Variants in TM9SF4 observed in about 807,000 individuals in gnomAD.
TM9SF4 encodes dinucleotide oxidase disulfide thiol exchanger 3 superfamily member 4.
TM9SF4 carries 26 observed loss-of-function variants against 90.4 expected under a neutral mutation model. The ratio of observed to expected loss-of-function variants is 0.29; its 90% CI spans 0.21 to 0.40. TM9SF4 has a LOEUF of 0.40. Ranked by LOEUF, TM9SF4 falls within the 10% of genes least tolerant of loss-of-function variation. The pLI, the probability that TM9SF4 is intolerant of heterozygous loss-of-function variation, is 1.00. For synonymous variants in TM9SF4, 293 were observed against 315.4 expected, an observed-to-expected ratio of 0.93 and a Z score of 0.75; for missense variants, 549 against 834.8, an observed-to-expected ratio of 0.66 and a Z score of 4.22.
chr20:32,130,642 CAG>C (rs1306424294), intron 1 of TM9SF4, among the ~76,000 whole-genome samples: 2 of 152,138 alleles, frequency 1.3e-5, no homozygotes, highest in Admixed American at 6.5e-5. Context: ...CATCACTACT[CAG>C]AGAGAAAGAA....
intron 12 of TM9SF4, among the ~76,000 whole-genome samples, chr20:32,152,035 T>C (rs2046849976): frequency 2.6e-5 from 4 of 151,590 alleles, no homozygotes; most frequent in Admixed American, 1.3e-4. Context: ...CTAATTTTTT[T>C]TTTTTTTTGT....
chr20:32,157,591 C>T (rs1197567297), intron 13 of TM9SF4, among the ~76,000 whole-genome samples: 1 of 152,226 alleles, frequency 6.6e-6, no homozygotes. Context: ...TGCTGAGGTG[C>T]CTTCTTCACT....
chr20:32,142,185 C>T (rs1453806684), intron 5 of TM9SF4, among the ~76,000 whole-genome samples: 1 of 151,946 alleles, frequency 6.6e-6, no homozygotes, highest in Non-Finnish European at 1.5e-5. Context: ...AAGTAGTGGT[C>T]AAGAGCGTGC....
chr20:32,129,650 G>A (rs557087259), intron 1 of TM9SF4, among the ~76,000 whole-genome samples: 3 of 148,280 alleles, frequency 2.0e-5, no homozygotes, highest in Non-Finnish European at 4.4e-5. Flanking sequence ...CCAGGATGGA[G>A]TACAGCTCAC....
At chr20:32,146,362 G>A (rs564789390) in intron 8 of TM9SF4, among the ~76,000 whole-genome samples, 30 of 152,272 alleles carry the variant, frequency 2.0e-4, no homozygotes, top group African/African-American at 6.0e-4. Flanking sequence ...AGGATATGGC[G>A]GGGCATTCTG....
chr20:32,146,658 C>A, intron 8 of TM9SF4, 127 bp from the exon 9 acceptor site: 1 of 812,678 alleles, frequency 1.2e-6, no homozygotes, highest in Non-Finnish European at 1.9e-6. Flanking sequence ...GCTGCATAGC[C>A]AGTTCATAAT....
At chr20:32,119,410 T>C (rs1420576579) in intron 1 of TM9SF4, among the ~76,000 whole-genome samples, 2 of 152,232 alleles carry the variant, frequency 1.3e-5, no homozygotes. Flanking sequence ...ACTGTGGTTT[T>C]GGTTTGCGTT....
At chr20:32,127,460 G>A (rs1030156085) in intron 1 of TM9SF4, among the ~76,000 whole-genome samples, 2 of 152,120 alleles carry the variant, frequency 1.3e-5, no homozygotes, top group Non-Finnish European at 2.9e-5. Flanking sequence ...CTGTAGTTGT[G>A]AGGATACCAC....
intron 12 of TM9SF4, among the ~76,000 whole-genome samples, chr20:32,151,468 A>G (rs1337783728): frequency 6.6e-6 from 1 of 152,104 alleles, no homozygotes; most frequent in East Asian, 1.9e-4. Context: ...GAGGACTAGG[A>G]AGACTCTTGG....
chr20:32,111,843 G>A (rs1028220647), intron 1 of TM9SF4, among the ~76,000 whole-genome samples: 7 of 152,200 alleles, frequency 4.6e-5, no homozygotes, highest in Admixed American at 3.3e-4. Context: ...GGCTGGAGGG[G>A]CCGAAGCATG....
At position 32,143,199 on chromosome 20, in the gene TM9SF4, G is replaced by A. The variant is rs757199669; in HGVS notation, c.652+94G>A. On this transcript the variant is annotated intron_variant, in intron 6 of 17. Coordinates refer to ENST00000398022, the MANE Select transcript of TM9SF4 (RefSeq NM_014742.4). ...CACTCTTCTCCCTCCTGAGCTGGCCGATGGGCTCGGGTGTGGCGTGTGGGC... is the reference window on the plus strand; with the variant it reads ...CACTCTTCTCCCTCCTGAGCTGGCCAATGGGCTCGGGTGTGGCGTGTGGGC... The A allele has an allele frequency of 6.7e-6, 10 of 1,485,056 alleles. 1 individual carries two copies. The South Asian group carries it at 7.5e-5, about 11-fold the overall frequency. The allele number at this position is 1,485,056 out of a possible 1,614,324, so 92.0% of individuals were successfully genotyped here.
At chr20:32,120,816 A>G (rs539139598) in intron 1 of TM9SF4, among the ~76,000 whole-genome samples, 1 of 152,132 alleles carries the variant, frequency 6.6e-6, no homozygotes, top group East Asian at 1.9e-4. Flanking sequence ...GTTCCCTTCT[A>G]GTCCTAAATT....
chr20:32,155,050 A>G (rs1487949104), intron 12 of TM9SF4, 53 bp from the exon 13 acceptor site: 1 of 1,478,430 alleles, frequency 6.8e-7, no homozygotes, highest in Non-Finnish European at 9.5e-7. Flanking sequence ...CCACCGGGAC[A>G]GGTAGGGGAG....
At chr20:32,117,739 G>A (rs1050478714) in intron 1 of TM9SF4, among the ~76,000 whole-genome samples, 16 of 151,774 alleles carry the variant, frequency 1.1e-4, no homozygotes, top group Admixed American at 3.3e-4. Flanking sequence ...CAGTGATGGC[G>A]TGTTAGATTA....
In TM9SF4 at chr20:32,114,356, G is replaced by A. The variant is rs187269189; in HGVS notation, c.15+4601G>A. The stretch of plus-strand genomic sequence containing the variant: ...TGTTTGTTATTATTATTTGAGACAG[G>A]GTCTCACTCTGTCATCCAGGCTGGA... On this transcript the variant is annotated intron_variant, in intron 1 of 17. Transcript: ENST00000398022. 1.4e-3 allele frequency among the ~76,000 whole-genome samples: 216 copies of A among 152,226 alleles called. 2 individuals carry two copies. Among genetic ancestry groups the A allele is most frequent in the Non-Finnish European group, 2.6e-3 (180 of 68,016 alleles).
In TM9SF4 at chr20:32,147,958, A is replaced by G. The variant is rs2046787588; in HGVS notation, c.954+1103A>G. 2.6e-5 allele frequency among the ~76,000 whole-genome samples: 4 copies of G among 152,066 alleles called. No individual in the cohort carries two copies. In the East Asian group the frequency reaches 7.7e-4, roughly 29 times the overall value. On this transcript the variant is annotated intron_variant, in intron 9 of 17. Transcript: ENST00000398022. ...TGAAAACCTGTCTCTACTAAAATAC[A>G]AAAATTAGCTGAGCCTGGTGGCAGG... is the stretch of plus-strand genomic sequence containing the variant.
In TM9SF4 at chr20:32,163,772, C is replaced by T. The variant is rs148694358; in HGVS notation, c.1780-1523C>T. ...GGTTACAGGTGCACACCACCACGCC[C>T]GGCTAATTTTGTGTTTTTAGCAGAG... On this transcript the variant is annotated intron_variant, in intron 17 of 17. Transcript: ENST00000398022. Among the ~76,000 whole-genome samples, 22 of 151,934 alleles carry T rather than the reference C, an allele frequency of 1.4e-4. No individual in the cohort carries two copies. The East Asian group carries it at 2.1e-3, about 15-fold the overall frequency.
intron 3 of TM9SF4, chr20:32,136,839 T>C (rs1331194622): frequency 2.1e-6 from 1 of 471,194 alleles, no homozygotes; most frequent in Non-Finnish European, 4.4e-6. Context: ...CTCCCTGACC[T>C]CAGGGAACTT....
At chr20:32,122,009 G>A (rs1357861042) in intron 1 of TM9SF4, among the ~76,000 whole-genome samples, 12 of 145,468 alleles carry the variant, frequency 8.2e-5, no homozygotes, top group African/African-American at 3.1e-4. Context: ...CCCGGACAGG[G>A]TGGCTGGCCG....
Sources: allele counts gnomAD v4.1 joint callset (sites outside exome capture counted in the v4.1 genomes callset), GRCh38; gene constraint gnomAD v4.1.1; transcripts MANE v1.5; gene names NCBI Gene and HGNC (gene_info 2026-07-23, HGNC 2026-07-21).